UNC5D: variants seen among roughly 807,000 people sequenced by gnomAD.
UNC5D encodes unc-5 netrin receptor D, also known as netrin receptor UNC5D.
In UNC5D, 39 loss-of-function variants were observed where a neutral mutation model predicts 105.4. The observed-to-expected ratio is 0.37, with a 90% CI of 0.29 to 0.48. UNC5D has a LOEUF of 0.48. Ranked by LOEUF, UNC5D falls within the 20% of genes least tolerant of loss-of-function variation. The pLI is 0.98. For synonymous variants in UNC5D, 452 were observed against 450.4 expected (o/e 1.00, Z -0.04); for missense variants, 991 against 1,202.4 (o/e 0.82, Z 2.60).
chr8:35,459,484 A>C (rs1258237726), intron 1 of UNC5D, among the ~76,000 whole-genome samples: 6 of 152,214 alleles, frequency 3.9e-5, no homozygotes, highest in African/African-American at 1.4e-4. Flanking sequence ...ATCCAATCAC[A>C]CATAGCTGAA....
intron 11 of UNC5D, among the ~76,000 whole-genome samples, chr8:35,733,577 A>G (rs1043595216): frequency 1.3e-5 from 2 of 152,144 alleles, no homozygotes; most frequent in African/African-American, 4.8e-5. Flanking sequence ...AACTGGATTT[A>G]TGGACTCTCC....
intron 1 of UNC5D, among the ~76,000 whole-genome samples, chr8:35,464,910 G>A (rs977560654): frequency 6.6e-6 from 1 of 152,062 alleles, no homozygotes; most frequent in Non-Finnish European, 1.5e-5. Context: ...AGCCTTCTCT[G>A]TTCTGCCTTT....
At chr8:35,418,750 T>A (rs1253276430) in intron 1 of UNC5D, among the ~76,000 whole-genome samples, 1 of 152,220 alleles carries the variant, frequency 6.6e-6, no homozygotes, top group African/African-American at 2.4e-5. Flanking sequence ...TGGAATGTTC[T>A]CACCTACGGA....
chr8:35,785,053 C>T (rs1802681280), intron 16 of UNC5D, among the ~76,000 whole-genome samples: 2 of 151,598 alleles, frequency 1.3e-5, no homozygotes, highest in Admixed American at 6.6e-5. Flanking sequence ...GTTCTGGTTC[C>T]ATTAAAAAAA....
At chr8:35,688,274 A>G (rs1826161043) in intron 7 of UNC5D, among the ~76,000 whole-genome samples, 1 of 152,120 alleles carries the variant, frequency 6.6e-6, no homozygotes, top group Non-Finnish European at 1.5e-5. Flanking sequence ...ATAGCTTACA[A>G]GTTTGTGATT....
At chr8:35,615,779 A>G (rs973154016) in intron 4 of UNC5D, among the ~76,000 whole-genome samples, 2 of 152,208 alleles carry the variant, frequency 1.3e-5, no homozygotes, top group Non-Finnish European at 2.9e-5. Flanking sequence ...CATCACCCTC[A>G]GTAGATAACA....
At chr8:35,534,848 T>A (rs563934884) in intron 1 of UNC5D, among the ~76,000 whole-genome samples, 1 of 152,094 alleles carries the variant, frequency 6.6e-6, no homozygotes, top group Admixed American at 6.5e-5. Flanking sequence ...TGTAATGATA[T>A]CAACATCCAT....
At chr8:35,701,472 T>C (rs1435079175) in intron 7 of UNC5D, among the ~76,000 whole-genome samples, 1 of 152,078 alleles carries the variant, frequency 6.6e-6, no homozygotes, top group African/African-American at 2.4e-5. Context: ...GCTGGATATG[T>C]AGGGATGATG....
At chr8:35,685,754 G>A (rs936805137) in intron 6 of UNC5D, among the ~76,000 whole-genome samples, 16 of 152,116 alleles carry the variant, frequency 1.1e-4, no homozygotes, top group African/African-American at 3.4e-4. Flanking sequence ...ATTGCTCAGC[G>A]GATAAGTTGG....
At chr8:35,760,911 A>G (rs1341719601) in intron 14 of UNC5D, among the ~76,000 whole-genome samples, 1 of 152,086 alleles carries the variant, frequency 6.6e-6, no homozygotes, top group African/African-American at 2.4e-5. Flanking sequence ...TCTAAAATTC[A>G]GGATTTTTAA....
chr8:35,677,877 GGT>G (rs1409744423), intron 4 of UNC5D, among the ~76,000 whole-genome samples: 1 of 136,060 alleles, frequency 7.3e-6, no homozygotes, highest in East Asian at 2.4e-4. Flanking sequence ...GTTTTTATAG[GGT>G]GTGTGAGTGT....
chr8:35,325,409 A>T (rs561036367), intron 1 of UNC5D, among the ~76,000 whole-genome samples: 1 of 152,322 alleles, frequency 6.6e-6, no homozygotes, highest in South Asian at 2.1e-4. Flanking sequence ...CTCAGTGCAT[A>T]GACAAGGCAG....
At chr8:35,264,510 C>A (rs890296788) in intron 1 of UNC5D, among the ~76,000 whole-genome samples, 3 of 152,044 alleles carry the variant, frequency 2.0e-5, no homozygotes, top group African/African-American at 7.2e-5. Context: ...GGTGGATCAC[C>A]TGAGGCCAGG....
intron 1 of UNC5D, among the ~76,000 whole-genome samples, chr8:35,305,196 A>T (rs2128873714): frequency 6.6e-6 from 1 of 152,292 alleles, no homozygotes; most frequent in South Asian, 2.1e-4. Flanking sequence ...CCAAGTGAGA[A>T]GTAGGATGGA....
Position 35,627,352 on chromosome 8 carries a change from T to G in UNC5D, c.570+31695T>G, listed in dbSNP as rs570243806. ...ATTTCTGACCTAATTTGATTCATCA[T>G]CCTGCAGTGACAGAGAATCAGGGGA... On this transcript the variant is annotated intron_variant, in intron 4 of 16. Transcript: ENST00000404895. Among the ~76,000 whole-genome samples, 12 of 152,308 alleles carry G rather than the reference T, an allele frequency of 7.9e-5. 1 individual carries two copies. The South Asian group carries it at 2.5e-3, about 32-fold the overall frequency.
chr8:35,245,089 C>A (rs997702725), intron 1 of UNC5D, among the ~76,000 whole-genome samples: 2 of 152,106 alleles, frequency 1.3e-5, no homozygotes, highest in Non-Finnish European at 2.9e-5. Flanking sequence ...CCTCAATCTG[C>A]GTACTTTTCT....
intron 1 of UNC5D, among the ~76,000 whole-genome samples, chr8:35,463,803 A>T (rs1347309376): frequency 6.6e-6 from 1 of 152,010 alleles, no homozygotes; most frequent in Admixed American, 6.6e-5. Flanking sequence ...AAAAAAAAAA[A>T]AAAATGACAA....
chr8:35,467,164 C>A (rs1014622283), intron 1 of UNC5D, among the ~76,000 whole-genome samples: 19 of 152,162 alleles, frequency 1.2e-4, no homozygotes, highest in African/African-American at 4.6e-4. Context: ...CGTACTCCCT[C>A]ACAGTTTTTT....
chr8:35,285,132 A>C (rs1806496666), intron 1 of UNC5D, among the ~76,000 whole-genome samples: 1 of 152,202 alleles, frequency 6.6e-6, no homozygotes. Context: ...TTGTATAATC[A>C]TAAGACTTTC....
Sources: allele counts gnomAD v4.1 joint callset (sites outside exome capture counted in the v4.1 genomes callset), GRCh38; gene constraint gnomAD v4.1.1; transcripts MANE v1.5; gene names NCBI Gene and HGNC (gene_info 2026-07-23, HGNC 2026-07-21).